The following ZDHHC2 variants were observed in gnomAD, a reference collection of about 807,000 sequenced individuals.
The protein encoded by ZDHHC2 is zDHHC palmitoyltransferase 2.
A neutral mutation model predicts 55.6 loss-of-function variants in ZDHHC2; 51 were observed. That is an observed-to-expected ratio of 0.92 (90% confidence interval 0.73 to 1.16). ZDHHC2 has a LOEUF of 1.16. Ranked by LOEUF, ZDHHC2 falls within the 50% of genes most tolerant of loss-of-function variation. The pLI, the probability that ZDHHC2 is intolerant of heterozygous loss-of-function variation, is 0.00. For missense variants in ZDHHC2, 491 were observed against 442.4 expected, an observed-to-expected ratio of 1.11 and a Z score of -0.99; for synonymous variants, 199 against 152.9, an observed-to-expected ratio of 1.30 and a Z score of -2.22.
chr8:17,160,890 C>T (rs530386049), intron 1 of ZDHHC2, among the ~76,000 whole-genome samples: 2 of 152,286 alleles, frequency 1.3e-5, no homozygotes, highest in Admixed American at 1.3e-4. Flanking sequence ...CCAATCTTGG[C>T]CCTTGGGCAA....
rs74856905 is a variant in ZDHHC2 at position 17,166,299 on chromosome 8, A to G, written c.130+9446A>G. ...TTTTACAGTAGCGACAGCAGAACTC[A>G]CAGACAGATTTGAGTTGTGTAAGAA... On this transcript the variant is annotated intron_variant, in intron 1 of 12. Transcript: ENST00000262096. Among the ~76,000 whole-genome samples, 77 of 152,294 alleles carry G rather than the reference A, an allele frequency of 5.1e-4. 1 individual carries two copies. The East Asian group carries it at 0.014, about 28-fold the overall frequency.
In ZDHHC2 at chr8:17,199,649, C is replaced by T. The variant is rs1215923876; in HGVS notation, c.476+1236C>T. Among the ~76,000 whole-genome samples the T allele has an allele frequency of 1.8e-3, 91 of 50,430 alleles. 2 individuals are homozygous for T. The highest frequency in any genetic ancestry group is 0.017 in the Middle Eastern group (1 of 58). 33.1% of individuals were successfully genotyped at this position (50,430 alleles called of 152,430 possible). A position where few individuals can be genotyped will look rare whatever the true frequency, so the allele number is the denominator to read the frequency against. ...CCTTTCTTCTTCTTCTCCTCCTCCT[C>T]CTCCCTCCTCCCTCCTCCCTCCTTC... On this transcript the variant is annotated intron_variant, in intron 6 of 12. Coordinates refer to ENST00000262096, the MANE Select transcript of ZDHHC2 (RefSeq NM_016353.5).
chr8:17,174,886 T>G (rs74555634), intron 1 of ZDHHC2, among the ~76,000 whole-genome samples: 5 of 151,080 alleles, frequency 3.3e-5, no homozygotes, highest in Admixed American at 6.6e-5. Flanking sequence ...AATTGTGGGG[T>G]TTTTTTTGTT....
intron 1 of ZDHHC2, among the ~76,000 whole-genome samples, chr8:17,175,198 A>G (rs1805068092): frequency 6.6e-6 from 1 of 152,180 alleles, no homozygotes; most frequent in Non-Finnish European, 1.5e-5. Flanking sequence ...GGACCAATGC[A>G]TGCCAAGCCC....
At chr8:17,188,520 T>TCTTGGCC (rs1159936022) in intron 3 of ZDHHC2, among the ~76,000 whole-genome samples, 1 of 152,218 alleles carries the variant, frequency 6.6e-6, no homozygotes, top group Non-Finnish European at 1.5e-5. Context: ...TTATTTTCCA[T>TCTTGGCC]TCATACTGGC....
At chr8:17,197,780 G>A (rs1266938078) in intron 5 of ZDHHC2, 129 bp downstream of exon 5, 1 of 1,040,074 alleles carries the variant, frequency 9.6e-7, no homozygotes, top group Non-Finnish European at 1.4e-6. Context: ...TTTAGGAAAT[G>A]GAGTTGGTAT....
intron 1 of ZDHHC2, among the ~76,000 whole-genome samples, chr8:17,160,416 G>C (rs1325814434): frequency 6.6e-6 from 1 of 152,212 alleles, no homozygotes; most frequent in Non-Finnish European, 1.5e-5. Flanking sequence ...AAACGATCAT[G>C]AATTTTCAAA....
At chr8:17,197,503 G>A (rs1295849782) in intron 4 of ZDHHC2, 79 bp from the exon 5 acceptor site, 4 of 1,186,504 alleles carry the variant, frequency 3.4e-6, no homozygotes, top group South Asian at 2.9e-5. Flanking sequence ...ATTTAAATTT[G>A]GAGAGATGAT....
intron 1 of ZDHHC2, among the ~76,000 whole-genome samples, chr8:17,182,422 T>G (rs1805474778): frequency 6.6e-6 from 1 of 152,176 alleles, no homozygotes; most frequent in Non-Finnish European, 1.5e-5. Context: ...AGGCCTATGA[T>G]GTCGACAAAA....
intron 6 of ZDHHC2, among the ~76,000 whole-genome samples, chr8:17,199,600 T>TCTTCTTCTTCCTTTCTTCTTC (rs1230744284): frequency 2.4e-5 from 1 of 42,152 alleles, no homozygotes. Flanking sequence ...TTCTTCTTCT[T>TCTTCTTCTTCCTTTCTTCTTC]TATTCTTTCT....
At chr8:17,168,775 T>G (rs971121623) in intron 1 of ZDHHC2, among the ~76,000 whole-genome samples, 1 of 152,176 alleles carries the variant, frequency 6.6e-6, no homozygotes, top group South Asian at 2.1e-4. Context: ...TTTATTTCAC[T>G]TATGTAATAT....
chr8:17,205,640 T>C lies in ZDHHC2; in HGVS notation c.477-15T>C, dbSNP rs758149375. On this transcript the variant is annotated splice_polypyrimidine_tract_variant and intron_variant, in intron 6 of 12. Transcript: ENST00000262096. ...GATGTAAAACTCACTGGAAATGTTT[T>C]TGTTTTGTTAACAGGGTGAACAATT... 2.5e-6 allele frequency: 4 copies of C among 1,586,034 alleles called. No homozygotes were observed. Among genetic ancestry groups the C allele is most frequent in the South Asian group, 1.2e-5 (1 of 84,784 alleles).
rs780968536 is a variant in ZDHHC2, at chr8:17,208,133, G to C, written c.730+41G>C. ...TTGTAGTTGACAGAACTTTAAATAC[G>C]TATACCAACATTCATTGACAGTTGC... is the stretch of plus-strand genomic sequence containing the variant. On this transcript the variant is annotated intron_variant, in intron 8 of 12. Coordinates refer to ENST00000262096, the MANE Select transcript of ZDHHC2 (RefSeq NM_016353.5). 19 of 1,492,228 alleles carry C rather than the reference G, an allele frequency of 1.3e-5. No individual in the cohort carries two copies. In the East Asian group the frequency reaches 3.3e-4, roughly 26 times the overall value. 92.4% of individuals were successfully genotyped at this position (1,492,228 alleles called of 1,614,324 possible).
chr8:17,184,756 C>T (rs1805623962), intron 1 of ZDHHC2, 33 bp from the exon 2 acceptor site: 1 of 1,541,688 alleles, frequency 6.5e-7, no homozygotes, highest in African/African-American at 1.4e-5. Flanking sequence ...CCATAAGCTT[C>T]ATGTAACCTA....
chr8:17,162,164 T>C (rs1294224453), intron 1 of ZDHHC2, among the ~76,000 whole-genome samples: 2 of 152,234 alleles, frequency 1.3e-5, no homozygotes, highest in African/African-American at 4.8e-5. Flanking sequence ...GACTTCCTTT[T>C]CTTTTGATGT....
intron 1 of ZDHHC2, among the ~76,000 whole-genome samples, chr8:17,178,966 T>C (rs1176953129): frequency 3.3e-5 from 5 of 152,198 alleles, no homozygotes; most frequent in African/African-American, 9.7e-5. Flanking sequence ...CTCTCTTTTT[T>C]TTGAGACAGG....
intron 3 of ZDHHC2, 111 bp downstream of exon 3, chr8:17,186,536 T>C: frequency 1.6e-6 from 1 of 611,584 alleles, no homozygotes; most frequent in Non-Finnish European, 2.6e-6. Flanking sequence ...GTTTAGTGAC[T>C]TTTTAGATTA....
chr8:17,214,353 T>C (rs1253361735), intron 10 of ZDHHC2, among the ~76,000 whole-genome samples: 2 of 152,206 alleles, frequency 1.3e-5, no homozygotes, highest in Admixed American at 1.3e-4. Context: ...AATAGTTTGC[T>C]CAAAGTTGTT....
At chr8:17,199,605 CT>C (rs1164482931) in intron 6 of ZDHHC2, among the ~76,000 whole-genome samples, 3,432 of 23,578 alleles carry the variant, frequency 0.15, 245 homozygotes, top group African/African-American at 0.22. Flanking sequence ...CTTCTTTATT[CT>C]TTCTTCTTCT....
Sources: gnomAD v4.1 joint callset for allele counts (sites outside exome capture counted in the v4.1 genomes callset) on GRCh38, gnomAD v4.1.1 for gene constraint, MANE v1.5 for transcripts, NCBI Gene and HGNC (gene_info 2026-07-23, HGNC 2026-07-21) for gene names.